Variants in EXOC6B observed in about 807,000 individuals in gnomAD.
EXOC6B encodes the protein SEC15 homolog B.
EXOC6B carries 54 observed loss-of-function variants against 113.5 expected under a neutral mutation model. The ratio of observed to expected loss-of-function variants is 0.48; its 90% confidence interval spans 0.38 to 0.60. The LOEUF (loss-of-function observed/expected upper bound fraction) is 0.60. Ranked by LOEUF, EXOC6B falls within the 20% of genes least tolerant of loss-of-function variation. The pLI is 0.00. For missense variants in EXOC6B, 797 were observed against 977.5 expected (o/e 0.82, Z 2.46); for synonymous variants, 357 against 339.0 (o/e 1.05, Z -0.58).
intron 18 of EXOC6B, among the ~76,000 whole-genome samples, chr2:72,420,187 A>G (rs1694785565): frequency 6.6e-6 from 1 of 151,978 alleles, no homozygotes; most frequent in African/African-American, 2.4e-5. Context: ...TTTTTTCCAT[A>G]CATCATTTCA....
intron 1 of EXOC6B, among the ~76,000 whole-genome samples, chr2:72,789,609 A>C (rs1452364164): frequency 6.6e-6 from 1 of 152,218 alleles, no homozygotes; most frequent in Non-Finnish European, 1.5e-5. Context: ...AGTTCTTTTT[A>C]TGACTCAGAA....
At chr2:72,581,018 C>T (rs1705188628) in intron 6 of EXOC6B, among the ~76,000 whole-genome samples, 1 of 152,194 alleles carries the variant, frequency 6.6e-6, no homozygotes, top group Non-Finnish European at 1.5e-5. Flanking sequence ...ATTGAATAAA[C>T]CAGTCACATA....
Position 72,205,251 on chromosome 2 carries a change from G to A in EXOC6B, c.2197-21064C>T, listed in dbSNP as rs573537631. ...CATCTGGGACATTTAAACAGAGACT[G>A]GATAAAGACTAGACCGTGTTCTAAA... On this transcript the variant is annotated intron_variant, in intron 20 of 21. Transcript: ENST00000272427. Among the ~76,000 whole-genome samples, 11 of 152,066 alleles carry A rather than the reference G, an allele frequency of 7.2e-5. No individual in the cohort carries two copies. The South Asian group carries it at 1.7e-3, about 23-fold the overall frequency.
At chr2:72,593,675 C>G (rs933326262) in intron 6 of EXOC6B, among the ~76,000 whole-genome samples, 103 of 141,512 alleles carry the variant, frequency 7.3e-4, no homozygotes, top group African/African-American at 2.6e-3. Context: ...GGAGATATAA[C>G]AGAGCCCTCA....
intron 20 of EXOC6B, among the ~76,000 whole-genome samples, chr2:72,284,612 G>T (rs996697911): frequency 6.6e-6 from 1 of 151,824 alleles, no homozygotes; most frequent in African/African-American, 2.4e-5. Context: ...CATATTATTG[G>T]AAGTCCTAGC....
At chr2:72,761,067 C>T (rs916001227) in intron 1 of EXOC6B, among the ~76,000 whole-genome samples, 12 of 152,194 alleles carry the variant, frequency 7.9e-5, no homozygotes, top group African/African-American at 2.9e-4. Flanking sequence ...ATTATCCCAG[C>T]TACTCAGGAG....
At chr2:72,624,137 T>C (rs1157145686) in intron 6 of EXOC6B, among the ~76,000 whole-genome samples, 1 of 152,102 alleles carries the variant, frequency 6.6e-6, no homozygotes, top group Admixed American at 6.6e-5. Flanking sequence ...AATCAGATCA[T>C]CTTTTTTTTT....
At position 72,679,395 on chromosome 2, in the gene EXOC6B, A is replaced by G. The variant is rs1573610735; in HGVS notation, c.669+38708T>C. 2.6e-5 allele frequency among the ~76,000 whole-genome samples: 4 copies of G among 152,272 alleles called. No individual in the cohort carries two copies. The East Asian group carries it at 7.7e-4, about 29-fold the overall frequency. On this transcript the variant is annotated intron_variant, in intron 6 of 21. Coordinates refer to ENST00000272427, the MANE Select transcript of EXOC6B (RefSeq NM_015189.3). ...ATCTTGCATATAACTTCAAGGGGTT[A>G]ATAGACCTCCTGAACCTTTTGAATG...
chr2:72,697,217 C>T (rs1032982), intron 6 of EXOC6B, among the ~76,000 whole-genome samples: 93,183 of 151,942 alleles, frequency 0.61, 34,834 homozygotes, highest in East Asian at 0.99. Flanking sequence ...TTTGTAGCCA[C>T]TGACTGAGCT....
intron 20 of EXOC6B, among the ~76,000 whole-genome samples, chr2:72,227,343 T>C (rs1450239710): frequency 2.0e-5 from 3 of 151,926 alleles, no homozygotes; most frequent in Non-Finnish European, 2.9e-5. Flanking sequence ...GAAAAAGCAT[T>C]AATAGGAATA....
intron 20 of EXOC6B, 98 bp downstream of exon 20, chr2:72,334,849 A>G: frequency 2.6e-6 from 3 of 1,146,148 alleles, no homozygotes; most frequent in Non-Finnish European, 3.9e-6. Context: ...GTGAATCGCC[A>G]ACGCCAATCC....
rs563575495 is a variant in EXOC6B at position 72,291,012 on chromosome 2, A to T, written c.2196+43935T>A. Among the ~76,000 whole-genome samples, 9 of 152,312 alleles carry T rather than the reference A, an allele frequency of 5.9e-5. 1 individual carries two copies. Among genetic ancestry groups the T allele is most frequent in the African/African-American group, 2.2e-4 (9 of 41,578 alleles). On this transcript the variant is annotated intron_variant, in intron 20 of 21. Coordinates refer to ENST00000272427, the MANE Select transcript of EXOC6B (RefSeq NM_015189.3). The stretch of plus-strand genomic sequence containing the variant: ...TCATATATCATTAAAGAATGACATT[A>T]TCTTTTAAGTTCCAGAGAGGGCTGA...
chr2:72,184,452 C>T (rs927997448), intron 20 of EXOC6B, among the ~76,000 whole-genome samples: 2 of 152,132 alleles, frequency 1.3e-5, no homozygotes, highest in African/African-American at 4.8e-5. Context: ...AGAGGCAACC[C>T]TGTAAAGAAA....
intron 1 of EXOC6B, among the ~76,000 whole-genome samples, chr2:72,799,359 T>C (rs1685160213): frequency 6.6e-6 from 1 of 151,078 alleles, no homozygotes; most frequent in African/African-American, 2.4e-5. Context: ...CACCTGAGCC[T>C]AGGAGATTGA....
intron 18 of EXOC6B, among the ~76,000 whole-genome samples, chr2:72,441,153 G>A (rs1488649123): frequency 6.6e-6 from 1 of 152,036 alleles, no homozygotes; most frequent in East Asian, 1.9e-4. Context: ...TTGCTTGTCT[G>A]AAAAAGATCT....
At chr2:72,285,210 T>A (rs1685355518) in intron 20 of EXOC6B, among the ~76,000 whole-genome samples, 1 of 152,086 alleles carries the variant, frequency 6.6e-6, no homozygotes, top group Non-Finnish European at 1.5e-5. Context: ...ACTCTCAGAC[T>A]TCAAGACTTA....
chr2:72,465,915 TCA>T (rs1445245484), intron 17 of EXOC6B, among the ~76,000 whole-genome samples: 3 of 152,208 alleles, frequency 2.0e-5, no homozygotes, highest in Admixed American at 2.0e-4. Flanking sequence ...ACAAATCTTC[TCA>T]CTTTCTTTGG....
chr2:72,518,486 GT>G (rs532045568), intron 8 of EXOC6B, among the ~76,000 whole-genome samples: 579 of 14,700 alleles, frequency 0.039, 8 homozygotes, highest in African/African-American at 0.074. Flanking sequence ...AAAGTAGGGT[GT>G]GTGTGTGTGT....
chr2:72,771,464 T>C (rs1683400789), intron 1 of EXOC6B, among the ~76,000 whole-genome samples: 1 of 152,164 alleles, frequency 6.6e-6, no homozygotes, highest in African/African-American at 2.4e-5. Context: ...CATTATGAAA[T>C]TCAAGAAATT....
Sources: allele counts gnomAD v4.1 joint callset (sites outside exome capture counted in the v4.1 genomes callset), GRCh38; gene constraint gnomAD v4.1.1; transcripts MANE v1.5; gene names NCBI Gene and HGNC (gene_info 2026-07-23, HGNC 2026-07-21).